The following MLLT10 variants were observed in gnomAD, a reference collection of about 807,000 sequenced individuals.
MLLT10 encodes the protein MLLT10 histone lysine methyltransferase DOT1L cofactor, also known as protein AF-10.
In MLLT10, 30 loss-of-function variants were observed where a neutral mutation model predicts 129.1. That is an observed-to-expected ratio of 0.23 (90% CI 0.17 to 0.32). MLLT10 has a LOEUF of 0.32. Among genes scored for constraint, MLLT10 ranks in the 10% least tolerant of loss-of-function variants. MLLT10 has a pLI of 1.00. For synonymous variants in MLLT10, 490 were observed against 446.4 expected, an observed-to-expected ratio of 1.10 and a Z score of -1.23; for missense variants, 1,119 against 1,268.3, an observed-to-expected ratio of 0.88 and a Z score of 1.79.
intron 13 of MLLT10, among the ~76,000 whole-genome samples, chr10:21,697,614 A>G (rs2054503824): frequency 6.6e-6 from 1 of 152,258 alleles, no homozygotes. Context: ...AATAAAGCAA[A>G]AATAGAGCAA....
At chr10:21,555,522 T>C (rs1318040709) in intron 3 of MLLT10, among the ~76,000 whole-genome samples, 1 of 152,006 alleles carries the variant, frequency 6.6e-6, no homozygotes, top group East Asian at 1.9e-4. Context: ...AATGCCTGGC[T>C]GATACTTTAA....
intron 13 of MLLT10, among the ~76,000 whole-genome samples, chr10:21,686,581 T>C (rs1769271484): frequency 6.6e-6 from 1 of 152,212 alleles, no homozygotes; most frequent in African/African-American, 2.4e-5. Context: ...TATGAAGTTA[T>C]TTCACATACC....
intron 3 of MLLT10, chr10:21,541,335 A>AG (rs984647268): frequency 6.6e-6 from 1 of 152,014 alleles, no homozygotes; most frequent in Non-Finnish European, 1.5e-5. Context: ...CTCCTGCCGC[A>AG]GCTTCCTGAG....
In MLLT10 at chr10:21,649,229, C is replaced by T. The variant is rs114735733; in HGVS notation, c.700-2444C>T. On this transcript the variant is annotated intron_variant, in intron 8 of 22. Transcript: ENST00000307729. Reference sequence around the variant, plus strand: ...TAGCTGGGACCACAGGTTTACACCACCACACTTGGCTAATTTTTTATTTTT... The same window carrying T: ...TAGCTGGGACCACAGGTTTACACCATCACACTTGGCTAATTTTTTATTTTT... Among the ~76,000 whole-genome samples the T allele has an allele frequency of 3.9e-3, 598 of 152,256 alleles. 6 individuals are homozygous for T. The highest frequency in any genetic ancestry group is 0.013 in the African/African-American group (560 of 41,536).
intron 5 of MLLT10, among the ~76,000 whole-genome samples, chr10:21,598,696 C>G (rs777781287): frequency 6.6e-6 from 1 of 152,098 alleles, no homozygotes; most frequent in African/African-American, 2.4e-5. Flanking sequence ...ACCAGCCTAG[C>G]TAATGAAACC....
At chr10:21,619,724 T>C (rs907073656) in intron 8 of MLLT10, among the ~76,000 whole-genome samples, 1 of 152,330 alleles carries the variant, frequency 6.6e-6, no homozygotes, top group East Asian at 1.9e-4. Flanking sequence ...TGAGATTTAC[T>C]GGTCATCTAC....
rs201543539 is a variant in MLLT10 at position 21,741,865 on chromosome 10, TCA to T, written c.3163-71_3163-70del. 2,581 of 1,492,190 alleles carry T rather than the reference TCA, an allele frequency of 1.7e-3. 29 individuals carry two copies. In the African/African-American group the frequency reaches 0.032, roughly 18 times the overall value. 92.4% of individuals were successfully genotyped at this position (1,492,190 alleles called of 1,614,324 possible). On this transcript the variant is annotated intron_variant, in intron 22 of 22. Coordinates refer to ENST00000307729, the MANE Select transcript of MLLT10 (RefSeq NM_001195626.3). ...CTTTCTATACCACATTTTATCTCAG[TCA>T]CAGTTTCAAATTCGGAGAATATTAT...
intron 3 of MLLT10, among the ~76,000 whole-genome samples, chr10:21,552,336 GTTTT>G (rs149483074): frequency 0.016 from 2,050 of 127,706 alleles, 50 homozygotes; most frequent in African/African-American, 0.056. Flanking sequence ...CTTTCCTTGT[GTTTT>G]TTTTCTTCTA....
intron 13 of MLLT10, among the ~76,000 whole-genome samples, chr10:21,686,154 A>T (rs992725926): frequency 1.6e-4 from 25 of 152,180 alleles, no homozygotes; most frequent in Admixed American, 1.3e-3. Flanking sequence ...ATTTATTAAG[A>T]TCATGAAATC....
At chr10:21,680,134 T>G (rs1391065798) in intron 11 of MLLT10, among the ~76,000 whole-genome samples, 2 of 152,146 alleles carry the variant, frequency 1.3e-5, no homozygotes, top group Non-Finnish European at 2.9e-5. Flanking sequence ...ACCCTCTGCT[T>G]GTTCTTCTCG....
intron 9 of MLLT10, 142 bp downstream of exon 9, chr10:21,651,910 T>C (rs922883350): frequency 1.2e-5 from 6 of 505,968 alleles, no homozygotes; most frequent in African/African-American, 4.7e-5. Context: ...TTTCTTTTTT[T>C]TTTTTTTTTT....
rs2058153810 is a variant in MLLT10, at chr10:21,734,041, G to A, written c.2770G>A (p.Val924Ile). Residue 924 changes from valine to isoleucine, a missense_variant, in exon 20 of 23, where the codon GTC becomes ATC. Val to Ile is a conservative substitution (Grantham distance 29). Transcript: ENST00000307729. ...GALNGVMQTP[V>I]TMSQNPTPLT... ...TTTAAATGGGGTTATGCAGACTCCT[G>A]TCACAATGTCCCAGAACCCTACCCC... 1.2e-6 allele frequency: 2 copies of A among 1,614,130 alleles called. No individual in the cohort carries two copies. The highest frequency in any genetic ancestry group is 2.2e-5 in the East Asian group (1 of 44,882).
Position 21,572,368 on chromosome 10 carries a change from T to TA in MLLT10, c.241-13926_241-13925insA, listed in dbSNP as rs573532789. 2.2e-3 allele frequency among the ~76,000 whole-genome samples: 336 copies of TA among 152,328 alleles called. 3 individuals carry two copies. The highest frequency in any genetic ancestry group is 7.7e-3 in the African/African-American group (321 of 41,586). On this transcript the variant is annotated intron_variant, in intron 3 of 22. Coordinates refer to ENST00000307729, the MANE Select transcript of MLLT10 (RefSeq NM_001195626.3). ...TTTTCGAAGTTCTGCATATTCTCCG[T>TA]CCTTCACATTTCCATATAAATTCTA...
chr10:21,735,643 G>A (rs1304946715), intron 21 of MLLT10, among the ~76,000 whole-genome samples: 1 of 152,310 alleles, frequency 6.6e-6, no homozygotes, highest in South Asian at 2.1e-4. Context: ...CCTCTGCAAG[G>A]GGGGTGACTT....
intron 8 of MLLT10, among the ~76,000 whole-genome samples, chr10:21,642,549 C>T (rs1017825713): frequency 2.7e-5 from 4 of 149,386 alleles, no homozygotes; most frequent in African/African-American, 5.0e-5. Flanking sequence ...CCCAGGTACT[C>T]GGGAGGATGA....
At chr10:21,536,420 T>C (rs553910708) in intron 2 of MLLT10, among the ~76,000 whole-genome samples, 3 of 152,258 alleles carry the variant, frequency 2.0e-5, no homozygotes, top group Non-Finnish European at 4.4e-5. Context: ...CAAAATTTGA[T>C]AATTTCTATG....
At chr10:21,597,643 A>T (rs1384959670) in intron 5 of MLLT10, among the ~76,000 whole-genome samples, 2 of 152,160 alleles carry the variant, frequency 1.3e-5, no homozygotes, top group Non-Finnish European at 2.9e-5. Flanking sequence ...AAGTGTTGGG[A>T]TTACAGGCGT....
chr10:21,685,308 T>G (rs1160716559), intron 13 of MLLT10, among the ~76,000 whole-genome samples: 1 of 152,154 alleles, frequency 6.6e-6, no homozygotes, highest in Non-Finnish European at 1.5e-5. Flanking sequence ...CTGGAAAAAT[T>G]AATACAAGTG....
At chr10:21,615,485 AAG>A (rs1195915115) in intron 7 of MLLT10, among the ~76,000 whole-genome samples, 4 of 150,946 alleles carry the variant, frequency 2.6e-5, no homozygotes, top group Admixed American at 2.0e-4. Flanking sequence ...GAAAAAAAAA[AAG>A]AAAATATATA....
Sources: gnomAD v4.1 joint callset for allele counts (sites outside exome capture counted in the v4.1 genomes callset) on GRCh38, gnomAD v4.1.1 for gene constraint, MANE v1.5 for transcripts, NCBI Gene and HGNC (gene_info 2026-07-23, HGNC 2026-07-21) for gene names.